Variants in CLIC4 observed in about 807,000 individuals in gnomAD.
CLIC4 encodes the protein chloride intracellular channel protein 4.
A neutral mutation model predicts 24.6 loss-of-function variants in CLIC4; 13 were observed. The observed-to-expected ratio is 0.53, with a 90% CI of 0.34 to 0.84. The LOEUF is 0.84. CLIC4 is among the 40% of genes least tolerant of loss of function. CLIC4 has a pLI of 0.01. For missense variants in CLIC4, 227 were observed against 301.7 expected, an observed-to-expected ratio of 0.75 and a Z score of 1.83; for synonymous variants, 104 against 111.3, an observed-to-expected ratio of 0.93 and a Z score of 0.41.
rs1639952474 is a variant in CLIC4 at position 24,842,394 on chromosome 1, G to C, written c.*1457G>C. 6.6e-6 allele frequency: 1 copy of C among 151,956 alleles called. No homozygotes were observed. The highest frequency in any genetic ancestry group is 1.5e-5 in the Non-Finnish European group (1 of 67,970). The allele number at this position is 151,956 out of a possible 1,614,324, so 9.4% of individuals were successfully genotyped here. On this transcript the variant is annotated 3_prime_UTR_variant, in exon 6 of 6. Coordinates refer to ENST00000374379, the MANE Select transcript of CLIC4 (RefSeq NM_013943.3). ...GTGATTGTGACTATAATACATTTTTGGTAATTTTTTTATACCTAATTTGTA... is the reference window on the plus strand; with the variant it reads ...GTGATTGTGACTATAATACATTTTTCGTAATTTTTTTATACCTAATTTGTA...
chr1:24,810,831 A>G (rs903101190), intron 2 of CLIC4, among the ~76,000 whole-genome samples: 1 of 152,090 alleles, frequency 6.6e-6, no homozygotes, highest in African/African-American at 2.4e-5. Context: ...CACACCTGTA[A>G]TCCCAGCACT....
At chr1:24,804,353 G>A (rs1404038125) in intron 2 of CLIC4, among the ~76,000 whole-genome samples, 4 of 148,398 alleles carry the variant, frequency 2.7e-5, no homozygotes, top group Middle Eastern at 3.4e-3. Flanking sequence ...CCCACTGTGT[G>A]TGTGGGGGGT....
At chr1:24,840,644 G>A (rs1639932570) in intron 5 of CLIC4, 129 bp from the exon 6 acceptor site, 3 of 732,956 alleles carry the variant, frequency 4.1e-6, no homozygotes, top group Non-Finnish European at 6.5e-6. Context: ...GATGGTGATG[G>A]ACTTTTTTTC....
chr1:24,792,156 GTATGTGTA>G (rs1476830537), intron 1 of CLIC4, among the ~76,000 whole-genome samples: 10 of 150,508 alleles, frequency 6.6e-5, no homozygotes, highest in African/African-American at 4.9e-5. Context: ...GTATTTATAT[GTATGTGTA>G]TATGTGTATG....
intron 1 of CLIC4, among the ~76,000 whole-genome samples, chr1:24,758,462 A>ATT (rs752850033): frequency 6.9e-6 from 1 of 143,902 alleles, no homozygotes; most frequent in African/African-American, 2.5e-5. Flanking sequence ...CACCCAGATA[A>ATT]TTTTTTTTTT....
chr1:24,796,038 C>T (rs957449890), intron 1 of CLIC4, among the ~76,000 whole-genome samples: 1 of 152,030 alleles, frequency 6.6e-6, no homozygotes, highest in Non-Finnish European at 1.5e-5. Flanking sequence ...GTTTATGTAC[C>T]CCCTAGGAAT....
chr1:24,753,550 C>G (rs1237884156), intron 1 of CLIC4, among the ~76,000 whole-genome samples: 1 of 152,060 alleles, frequency 6.6e-6, no homozygotes, highest in Non-Finnish European at 1.5e-5. Context: ...TGAGTTTTGA[C>G]ATTATGTGGA....
intron 4 of CLIC4, 72 bp from the exon 5 acceptor site, chr1:24,839,788 G>A: frequency 7.5e-7 from 1 of 1,326,722 alleles, no homozygotes; most frequent in South Asian, 1.4e-5. Context: ...GACTCAAAGA[G>A]TCTGCTTCTC....
intron 4 of CLIC4, among the ~76,000 whole-genome samples, chr1:24,839,323 A>G (rs546255825): frequency 6.6e-6 from 1 of 152,136 alleles, no homozygotes; most frequent in African/African-American, 2.4e-5. Context: ...TTTTTGAGAC[A>G]GAGTCTCGCT....
chr1:24,810,413 G>A (rs1266321001), intron 2 of CLIC4, among the ~76,000 whole-genome samples: 6 of 152,114 alleles, frequency 3.9e-5, no homozygotes, highest in African/African-American at 9.7e-5. Context: ...CCTTGTGGTA[G>A]CATTTAACTT....
chr1:24,770,869 A>C (rs1253013412), intron 1 of CLIC4, among the ~76,000 whole-genome samples: 2 of 152,166 alleles, frequency 1.3e-5, no homozygotes, highest in Non-Finnish European at 2.9e-5. Flanking sequence ...ATTTTTAACC[A>C]TTAAAGCAGA....
intron 1 of CLIC4, among the ~76,000 whole-genome samples, chr1:24,787,264 G>A (rs949649595): frequency 3.9e-5 from 6 of 152,022 alleles, no homozygotes; most frequent in Admixed American, 3.9e-4. Flanking sequence ...GGAGGCTGAG[G>A]CGGGTGGATC....
chr1:24,801,444 G>A (rs1300864518), intron 2 of CLIC4, among the ~76,000 whole-genome samples: 2 of 152,178 alleles, frequency 1.3e-5, no homozygotes, highest in African/African-American at 4.8e-5. Flanking sequence ...TCTGTCACAG[G>A]AACAGCAAGG....
intron 1 of CLIC4, among the ~76,000 whole-genome samples, chr1:24,769,070 G>A (rs1639042103): frequency 6.6e-6 from 1 of 151,634 alleles, no homozygotes; most frequent in Non-Finnish European, 1.5e-5. Flanking sequence ...AGGCTGTAGT[G>A]AGCCACTCTG....
chr1:24,832,193 G>T (rs1639848238), intron 4 of CLIC4, among the ~76,000 whole-genome samples: 1 of 85,910 alleles, frequency 1.2e-5, no homozygotes, highest in Admixed American at 1.5e-4. Context: ...ATTATTTTAT[G>T]TTTTTGATTT....
chr1:24,829,156 G>A (rs1001236847), intron 4 of CLIC4, among the ~76,000 whole-genome samples: 10 of 152,170 alleles, frequency 6.6e-5, no homozygotes, highest in African/African-American at 2.4e-4. Context: ...CGTTTTACAT[G>A]GTAAATCAGA....
chr1:24,774,591 G>C (rs560090638), intron 1 of CLIC4, among the ~76,000 whole-genome samples: 35 of 151,794 alleles, frequency 2.3e-4, no homozygotes, highest in African/African-American at 8.4e-4. Context: ...CCAGGAGTTC[G>C]AGACCATCTT....
At position 24,753,226 on chromosome 1, in the gene CLIC4, G is replaced by A. The variant is rs116115953; in HGVS notation, c.72+7601G>A. Among the ~76,000 whole-genome samples, 1,516 of 152,228 alleles carry A rather than the reference G, an allele frequency of 1.0e-2. 9 individuals carry two copies. Among genetic ancestry groups the A allele is most frequent in the Middle Eastern group, 0.027 (8 of 294 alleles). On this transcript the variant is annotated intron_variant, in intron 1 of 5. Coordinates refer to ENST00000374379, the MANE Select transcript of CLIC4 (RefSeq NM_013943.3). ...TATATAAGCAAGGTATAAAAGAAGG[G>A]CTTGGGCTAGATGATCACAAAGGTC...
intron 1 of CLIC4, among the ~76,000 whole-genome samples, chr1:24,756,980 C>T (rs1292700983): frequency 6.6e-6 from 1 of 152,034 alleles, no homozygotes; most frequent in Non-Finnish European, 1.5e-5. Context: ...ACCGCAACCT[C>T]CGCCTCCTAG....
Sources: allele counts gnomAD v4.1 joint callset (sites outside exome capture counted in the v4.1 genomes callset), GRCh38; gene constraint gnomAD v4.1.1; transcripts MANE v1.5; gene names NCBI Gene and HGNC (gene_info 2026-07-23, HGNC 2026-07-21).